The following GABRG3 variants were observed in gnomAD, a reference collection of about 807,000 sequenced individuals.
GABRG3 encodes the protein gamma-aminobutyric acid type A receptor subunit gamma3.
GABRG3 carries 25 observed loss-of-function variants against 48.8 expected under a neutral mutation model. The observed-to-expected ratio is 0.51, with a 90% CI of 0.37 to 0.72. GABRG3 has a LOEUF of 0.72. Among genes scored for constraint, GABRG3 ranks in the 30% least tolerant of loss-of-function variants. The probability of loss-of-function intolerance (pLI) is 0.00; values close to 1 mark genes in which losing one functional copy is unlikely to be tolerated. For missense variants in GABRG3, 394 were observed against 577.9 expected (o/e 0.68, Z 3.26); for synonymous variants, 227 against 217.6 (o/e 1.04, Z -0.38).
At chr15:27,097,910 G>A (rs1266613283) in intron 3 of GABRG3, among the ~76,000 whole-genome samples, 4 of 150,356 alleles carry the variant, frequency 2.7e-5, no homozygotes, top group Non-Finnish European at 4.4e-5. Flanking sequence ...GTCATTATTA[G>A]CTAATTTTTT....
intron 6 of GABRG3, among the ~76,000 whole-genome samples, chr15:27,517,676 T>A (rs1360784836): frequency 6.6e-6 from 1 of 152,258 alleles, no homozygotes; most frequent in Non-Finnish European, 1.5e-5. Context: ...TTTGTTTTTC[T>A]GTATGTTAGC....
At chr15:27,082,400 G>A (rs533376443) in intron 3 of GABRG3, among the ~76,000 whole-genome samples, 2 of 152,290 alleles carry the variant, frequency 1.3e-5, no homozygotes, top group East Asian at 1.9e-4. Flanking sequence ...TGCGGGGAAC[G>A]CACGAGCTTG....
chr15:27,449,502 T>TA (rs1183893600), intron 5 of GABRG3, among the ~76,000 whole-genome samples: 1 of 152,228 alleles, frequency 6.6e-6, no homozygotes, highest in Middle Eastern at 3.2e-3. Flanking sequence ...TAGGAAGATG[T>TA]AAAAAATGTT....
intron 3 of GABRG3, among the ~76,000 whole-genome samples, chr15:27,241,734 A>T (rs535918054): frequency 1.3e-5 from 2 of 152,340 alleles, no homozygotes; most frequent in Admixed American, 6.5e-5. Context: ...TAAATTGAAC[A>T]TCTGTCTTTT....
At chr15:27,020,149 G>C (rs549803349) in intron 2 of GABRG3, among the ~76,000 whole-genome samples, 1 of 152,210 alleles carries the variant, frequency 6.6e-6, no homozygotes, top group African/African-American at 2.4e-5. Flanking sequence ...GAAACTTTTC[G>C]AGATGATAGA....
At chr15:27,038,924 G>A (rs1896226643) in intron 3 of GABRG3, among the ~76,000 whole-genome samples, 1 of 152,204 alleles carries the variant, frequency 6.6e-6, no homozygotes, top group African/African-American at 2.4e-5. Flanking sequence ...GGAGATGTGT[G>A]CCATGAGCAA....
At chr15:27,059,030 G>T (rs756964579) in intron 3 of GABRG3, among the ~76,000 whole-genome samples, 4 of 152,140 alleles carry the variant, frequency 2.6e-5, no homozygotes, top group Non-Finnish European at 4.4e-5. Context: ...GTAACAGCAG[G>T]CTCAAACTAA....
At chr15:27,465,296 C>A (rs985111238) in intron 5 of GABRG3, among the ~76,000 whole-genome samples, 1 of 152,166 alleles carries the variant, frequency 6.6e-6, no homozygotes, top group African/African-American at 2.4e-5. Flanking sequence ...TGCGTTTTCA[C>A]GTTTTTAAAG....
chr15:27,306,837 ACATGTTTATATATAAACATACAAT>A (rs1892526637), intron 3 of GABRG3, among the ~76,000 whole-genome samples: 1 of 89,818 alleles, frequency 1.1e-5, no homozygotes, highest in African/African-American at 5.5e-5. Context: ...TACAATATAA[ACATGTTTATATATAAACATACAAT>A]ATAAACATGT....
At chr15:27,412,325 T>C (rs1275383384) in intron 5 of GABRG3, among the ~76,000 whole-genome samples, 1 of 152,150 alleles carries the variant, frequency 6.6e-6, no homozygotes, top group Admixed American at 6.5e-5. Context: ...CATGCTGCCC[T>C]TTTTTAAGCC....
chr15:27,117,689 C>T (rs1331821759), intron 3 of GABRG3, among the ~76,000 whole-genome samples: 1 of 152,100 alleles, frequency 6.6e-6, no homozygotes. Flanking sequence ...CTATTTCTGA[C>T]CTCTGGAATG....
At chr15:27,350,508 T>C in intron 5 of GABRG3, 1 of 250,912 alleles carries the variant, frequency 4.0e-6, no homozygotes, top group South Asian at 4.7e-5. Flanking sequence ...CGCAGTGCAG[T>C]TGCAGGTAGG....
chr15:27,371,209 C>T (rs1314159941), intron 5 of GABRG3, among the ~76,000 whole-genome samples: 1 of 152,068 alleles, frequency 6.6e-6, no homozygotes, highest in Non-Finnish European at 1.5e-5. Flanking sequence ...TGTTTGCTCC[C>T]CAACTAAATT....
At chr15:27,369,588 T>C (rs1895326768) in intron 5 of GABRG3, among the ~76,000 whole-genome samples, 2 of 151,868 alleles carry the variant, frequency 1.3e-5, no homozygotes, top group Admixed American at 6.6e-5. Context: ...GAGGCCAAGG[T>C]GGGCGGATCA....
intron 6 of GABRG3, among the ~76,000 whole-genome samples, chr15:27,502,370 T>C (rs527423017): frequency 6.6e-6 from 1 of 152,348 alleles, no homozygotes; most frequent in South Asian, 2.1e-4. Context: ...CTTATTCATT[T>C]GCCCCAGTGG....
At chr15:27,041,051 T>G (rs1263697410) in intron 3 of GABRG3, among the ~76,000 whole-genome samples, 1 of 146,180 alleles carries the variant, frequency 6.8e-6, no homozygotes, top group Non-Finnish European at 1.5e-5. Flanking sequence ...GAAATTTTTT[T>G]CTCTCTTTTG....
chr15:26,989,658 A>G (rs1895212637), intron 2 of GABRG3, among the ~76,000 whole-genome samples: 1 of 152,146 alleles, frequency 6.6e-6, no homozygotes, highest in Non-Finnish European at 1.5e-5. Flanking sequence ...AATTATTTTA[A>G]AATGTACAAT....
At chr15:27,234,626 ACTGGTG>A (rs1220086702) in intron 3 of GABRG3, among the ~76,000 whole-genome samples, 1 of 152,106 alleles carries the variant, frequency 6.6e-6, no homozygotes, top group African/African-American at 2.4e-5. Context: ...GCTCCTGGGT[ACTGGTG>A]CTGGACTAAT....
intron 5 of GABRG3, among the ~76,000 whole-genome samples, chr15:27,412,174 G>A (rs893011553): frequency 1.2e-4 from 18 of 151,900 alleles, no homozygotes; most frequent in Admixed American, 1.1e-3. Context: ...ACATGCAACC[G>A]TAAGAAATAA....
Sources: allele counts gnomAD v4.1 joint callset (sites outside exome capture counted in the v4.1 genomes callset), GRCh38; gene constraint gnomAD v4.1.1; transcripts MANE v1.5; gene names NCBI Gene and HGNC (gene_info 2026-07-23, HGNC 2026-07-21).